Variants in JARID2 observed in about 807,000 individuals in gnomAD.
JARID2 encodes jumonji and AT-rich interaction domain containing 2.
A neutral mutation model predicts 125.6 loss-of-function variants in JARID2; 21 were observed. The observed-to-expected ratio is 0.17, with a 90% CI of 0.12 to 0.24. JARID2 has a LOEUF of 0.24. Among genes scored for constraint, JARID2 ranks in the 10% least tolerant of loss-of-function variants. The probability of loss-of-function intolerance (pLI) is 1.00; values close to 1 mark genes in which losing one functional copy is unlikely to be tolerated. For synonymous variants in JARID2, 736 were observed against 661.6 expected (o/e 1.11, Z -1.73); for missense variants, 1,303 against 1,639.6 (o/e 0.79, Z 3.55).
chr6:15,465,818 T>G lies in JARID2; in HGVS notation c.494-2724T>G, dbSNP rs185995720. Among the ~76,000 whole-genome samples the G allele has an allele frequency of 1.4e-3, 207 of 148,864 alleles. 1 individual carries two copies. The highest frequency in any genetic ancestry group is 4.3e-3 in the African/African-American group (167 of 38,636). ...TGTTTGTTTGTTTGTTTGTTTGTTT[T>G]TTTGAGACGGAGTCTTGTTCTGTCG... On this transcript the variant is annotated intron_variant, in intron 4 of 17. Transcript: ENST00000341776.
At chr6:15,386,583 T>A (rs1038862755) in intron 2 of JARID2, among the ~76,000 whole-genome samples, 2 of 152,190 alleles carry the variant, frequency 1.3e-5, no homozygotes, top group Non-Finnish European at 2.9e-5. Context: ...TGATCCCCCC[T>A]CCTACTGGCA....
intron 1 of JARID2, among the ~76,000 whole-genome samples, chr6:15,368,036 G>A (rs1292986624): frequency 6.6e-6 from 1 of 151,948 alleles, no homozygotes; most frequent in Non-Finnish European, 1.5e-5. Flanking sequence ...TTTCTTGGTG[G>A]GTGATCCAAC....
chr6:15,415,960 C>T (rs1202425075), intron 3 of JARID2, among the ~76,000 whole-genome samples: 2 of 151,304 alleles, frequency 1.3e-5, no homozygotes, highest in Non-Finnish European at 3.0e-5. Context: ...AGGGTCTCCT[C>T]ACTTCTCAGA....
chr6:15,386,258 G>T (rs1764780993), intron 2 of JARID2, among the ~76,000 whole-genome samples: 1 of 137,092 alleles, frequency 7.3e-6, no homozygotes, highest in African/African-American at 2.8e-5. Context: ...CCCTCTCCCT[G>T]TTCTTCTCCC....
chr6:15,270,517 A>G (rs1269551000), intron 1 of JARID2, among the ~76,000 whole-genome samples: 1 of 152,196 alleles, frequency 6.6e-6, no homozygotes, highest in Non-Finnish European at 1.5e-5. Context: ...CAGGCATAGA[A>G]TGGGTACTTT....
chr6:15,436,716 C>T (rs1767220324), intron 3 of JARID2, among the ~76,000 whole-genome samples: 1 of 152,138 alleles, frequency 6.6e-6, no homozygotes, highest in Admixed American at 6.5e-5. Context: ...TGCCTACCAC[C>T]TGCGATGCCC....
intron 1 of JARID2, among the ~76,000 whole-genome samples, chr6:15,249,504 G>T (rs780262331): frequency 1.3e-5 from 2 of 152,184 alleles, no homozygotes; most frequent in Non-Finnish European, 2.9e-5. Flanking sequence ...CCAGAGGCTG[G>T]CGTTCTGTTT....
At chr6:15,416,493 C>T (rs1253465525) in intron 3 of JARID2, among the ~76,000 whole-genome samples, 2 of 152,138 alleles carry the variant, frequency 1.3e-5, no homozygotes, top group African/African-American at 4.8e-5. Context: ...GGAGACCAGC[C>T]CGGCCAACAC....
rs140559093 is a variant in JARID2 at position 15,269,490 on chromosome 6, C to G, written c.45+22906C>G. On this transcript the variant is annotated intron_variant, in intron 1 of 17. Transcript: ENST00000341776. The stretch of plus-strand genomic sequence containing the variant: ...GATCCTCCTGCCTTCCCTGCCCCAC[C>G]CCCTAGTAGCTGGGACCACAGGTGC... Among the ~76,000 whole-genome samples the G allele has an allele frequency of 1.4e-3, 220 of 152,166 alleles. 1 individual carries two copies. Among genetic ancestry groups the G allele is most frequent in the African/African-American group, 4.9e-3 (205 of 41,532 alleles).
At chr6:15,434,716 T>G (rs943829022) in intron 3 of JARID2, among the ~76,000 whole-genome samples, 1 of 152,228 alleles carries the variant, frequency 6.6e-6, no homozygotes, top group Non-Finnish European at 1.5e-5. Flanking sequence ...AATACCCTTC[T>G]TGATCTGCTG....
At chr6:15,410,557 GA>G (rs911583117) in intron 3 of JARID2, among the ~76,000 whole-genome samples, 192 bp downstream of exon 3, 2 of 151,722 alleles carry the variant, frequency 1.3e-5, no homozygotes, top group African/African-American at 2.4e-5. Flanking sequence ...TTAAAAACGG[GA>G]AAAAAAAGTG....
intron 1 of JARID2, among the ~76,000 whole-genome samples, chr6:15,341,258 T>C (rs1417176424): frequency 2.6e-5 from 4 of 152,244 alleles, no homozygotes; most frequent in Admixed American, 2.6e-4. Context: ...ACCTACTGTT[T>C]ACATAAATGT....
At position 15,289,777 on chromosome 6, in the gene JARID2, C is replaced by T. The variant is rs149227390; in HGVS notation, c.45+43193C>T. On this transcript the variant is annotated intron_variant, in intron 1 of 17. Coordinates refer to ENST00000341776, the MANE Select transcript of JARID2 (RefSeq NM_004973.4). ...AGGAGAATCACTTGAACCCAGGAGG[C>T]GGAGGTTGCAGTAAGCTGAGATGGT... Among the ~76,000 whole-genome samples, 703 of 152,202 alleles carry T rather than the reference C, an allele frequency of 4.6e-3. 5 individuals are homozygous for T. The highest frequency in any genetic ancestry group is 0.016 in the African/African-American group (669 of 41,518).
Position 15,375,354 on chromosome 6 carries a change from G to T in JARID2, c.181+1102G>T, listed in dbSNP as rs142833173. 1.5e-3 allele frequency among the ~76,000 whole-genome samples: 229 copies of T among 152,210 alleles called. 2 individuals are homozygous for T. The highest frequency in any genetic ancestry group is 5.3e-3 in the African/African-American group (220 of 41,524). On this transcript the variant is annotated intron_variant, in intron 2 of 17. Coordinates refer to ENST00000341776, the MANE Select transcript of JARID2 (RefSeq NM_004973.4). The stretch of plus-strand genomic sequence containing the variant: ...AGAAGAGCCTCTGTCCACCCTCCCG[G>T]GTTTTCTTTCTTATGGGTGACTTGC...
chr6:15,487,256 T>TG (rs1195952373), intron 5 of JARID2, 51 bp from the exon 6 acceptor site: 2 of 1,471,812 alleles, frequency 1.4e-6, no homozygotes, highest in Non-Finnish European at 1.9e-6. Flanking sequence ...GTAGTTTGCG[T>TG]GGTAGTGGTC....
chr6:15,250,583 C>T (rs912844967), intron 1 of JARID2, among the ~76,000 whole-genome samples: 3 of 152,128 alleles, frequency 2.0e-5, no homozygotes, highest in Non-Finnish European at 4.4e-5. Flanking sequence ...CAAAGTGTCA[C>T]TAAAATTTGA....
At chr6:15,429,807 A>G (rs1330104788) in intron 3 of JARID2, among the ~76,000 whole-genome samples, 1 of 152,148 alleles carries the variant, frequency 6.6e-6, no homozygotes, top group Admixed American at 6.5e-5. Flanking sequence ...AAATGTACAC[A>G]CACGTTTCTA....
intron 9 of JARID2, among the ~76,000 whole-genome samples, chr6:15,504,842 C>T (rs1184471651): frequency 1.3e-5 from 2 of 152,186 alleles, no homozygotes; most frequent in African/African-American, 4.8e-5. Context: ...GGGACGGGTT[C>T]TGGGCACGTC....
Position 15,374,104 on chromosome 6 carries a change from T to C in JARID2, c.46-13T>C. The C allele has an allele frequency of 1.2e-6, 2 of 1,611,490 alleles. No homozygotes were observed. The highest frequency in any genetic ancestry group is 1.7e-6 in the Non-Finnish European group (2 of 1,178,882). ...CTATTCAGTAACTCCTCTCTTTTCTTATGTTTCTTCAGGATGACAGTGATG... is the reference window on the plus strand; with the variant it reads ...CTATTCAGTAACTCCTCTCTTTTCTCATGTTTCTTCAGGATGACAGTGATG... On this transcript the variant is annotated splice_polypyrimidine_tract_variant and intron_variant, in intron 1 of 17. Coordinates refer to ENST00000341776, the MANE Select transcript of JARID2 (RefSeq NM_004973.4).
Sources: allele counts gnomAD v4.1 joint callset (sites outside exome capture counted in the v4.1 genomes callset), GRCh38; gene constraint gnomAD v4.1.1; transcripts MANE v1.5; gene names NCBI Gene and HGNC (gene_info 2026-07-23, HGNC 2026-07-21).